NCOR2: variants seen among roughly 807,000 people sequenced by gnomAD.
NCOR2 encodes the protein CTG repeat protein 26.
A neutral mutation model predicts 262.9 loss-of-function variants in NCOR2; 81 were observed. The observed-to-expected ratio is 0.31, with a 90% CI of 0.26 to 0.37. NCOR2 has a LOEUF of 0.37. NCOR2 is among the 10% of genes least tolerant of loss of function. The probability of loss-of-function intolerance (pLI) is 1.00; values close to 1 mark genes in which losing one functional copy is unlikely to be tolerated. For synonymous variants in NCOR2, 1,659 were observed against 1,559.3 expected, an observed-to-expected ratio of 1.06 and a Z score of -1.51; for missense variants, 3,385 against 3,621.4, an observed-to-expected ratio of 0.93 and a Z score of 1.68.
intron 17 of NCOR2, among the ~76,000 whole-genome samples, chr12:124,383,110 T>A (rs1166237916): frequency 6.6e-6 from 1 of 152,086 alleles, no homozygotes; most frequent in Non-Finnish European, 1.5e-5. Flanking sequence ...ACTAGCAGAG[T>A]GTCTGGGGCA....
chr12:124,391,043 G>C (rs1162596819), intron 16 of NCOR2, among the ~76,000 whole-genome samples: 1 of 152,226 alleles, frequency 6.6e-6, no homozygotes. Context: ...GGCCCATGAC[G>C]AGCTGTTCTT....
intron 29 of NCOR2, 37 bp downstream of exon 31, chr12:124,348,137 G>T (rs184015878): frequency 6.2e-7 from 1 of 1,604,870 alleles, no homozygotes; most frequent in Non-Finnish European, 8.5e-7. Context: ...CGCCCACCAG[G>T]GGGCACCGAG....
intron 9 of NCOR2, among the ~76,000 whole-genome samples, 184 bp downstream of exon 11, chr12:124,430,431 C>T (rs889411471): frequency 2.0e-5 from 3 of 152,332 alleles, no homozygotes; most frequent in African/African-American, 7.2e-5. Flanking sequence ...TATTTAAGTT[C>T]CAAGTAAGTA....
At position 124,504,731 on chromosome 12, in the gene NCOR2, A is replaced by G. The variant is rs955870448; in HGVS notation, c.-117-9363T>C. On this transcript the variant is annotated intron_variant, in intron 1 of 46. Transcript: ENST00000404621. The surrounding 1 kb of genome is among the most constrained non-coding windows in gnomAD (Gnocchi z 4.5). Reference sequence around the variant, plus strand: ...AAAGGTAAGCGCTGACTCAGCCACAACGCAGGTGAGCCCTGAAGACATGGC... The same window carrying G: ...AAAGGTAAGCGCTGACTCAGCCACAGCGCAGGTGAGCCCTGAAGACATGGC... Among the ~76,000 whole-genome samples, 1 of 152,248 alleles carries G rather than the reference A, an allele frequency of 6.6e-6. No individual in the cohort carries two copies. Among genetic ancestry groups the G allele is most frequent in the African/African-American group, 2.4e-5 (1 of 41,468 alleles).
intron 1 of NCOR2, among the ~76,000 whole-genome samples, chr12:124,511,180 G>A (rs1000422830): frequency 1.3e-5 from 2 of 152,090 alleles, no homozygotes; most frequent in African/African-American, 2.4e-5. Context: ...CCCAGATTTC[G>A]GGGTACCACC....
At chr12:124,379,365 GTC>G (rs566222082) in intron 17 of NCOR2, among the ~76,000 whole-genome samples, 129 of 152,316 alleles carry the variant, frequency 8.5e-4, no homozygotes, top group African/African-American at 2.6e-3. Flanking sequence ...TGGGGTGGGT[GTC>G]TCTTTGTCCC....
At chr12:124,479,951 G>A (rs1157792888) in intron 3 of NCOR2, among the ~76,000 whole-genome samples, 1 of 152,252 alleles carries the variant, frequency 6.6e-6, no homozygotes, top group Non-Finnish European at 1.5e-5. Flanking sequence ...AGAGATCAGG[G>A]AATGACACTG....
In NCOR2 at chr12:124,443,685, T is replaced by G. The variant is rs916468902; in HGVS notation, c.816-5689A>C. ...GCCCAGCTAATTTTCGTATTTTTAG[T>G]AGAGACGGGGTTTCACTATATTGGC... On this transcript the variant is annotated intron_variant, in intron 7 of 46. Transcript: ENST00000405201. This position sits in a 1 kb window ranked among gnomAD's most constrained non-coding sequence, Gnocchi z 4.4. Among the ~76,000 whole-genome samples, 1 of 152,044 alleles carries G rather than the reference T, an allele frequency of 6.6e-6. No homozygotes were observed. The highest frequency in any genetic ancestry group is 6.5e-5 in the Admixed American group (1 of 15,268).
chr12:124,561,175 G>C (rs1392006526), intron 1 of NCOR2, among the ~76,000 whole-genome samples: 2 of 152,182 alleles, frequency 1.3e-5, no homozygotes, highest in African/African-American at 4.8e-5. Context: ...ACTTCGCAGG[G>C]ACCTGGAGCT....
intron 3 of NCOR2, among the ~76,000 whole-genome samples, chr12:124,476,732 T>C (rs2047118269): frequency 6.6e-6 from 1 of 152,168 alleles, no homozygotes; most frequent in African/African-American, 2.4e-5. Flanking sequence ...TTAGCTTTTA[T>C]TCGCAGCAAA....
At chr12:124,337,025 G>A in exon 38 of NCOR2, 3 of 1,503,302 alleles carry the variant, frequency 2.0e-6, no homozygotes, top group South Asian at 1.4e-5. Flanking sequence ...GTCTGCTCGG[G>A]GCCGCTCTGG....
At chr12:124,559,396 G>A (rs1474732069) in intron 1 of NCOR2, among the ~76,000 whole-genome samples, 1 of 152,128 alleles carries the variant, frequency 6.6e-6, no homozygotes, top group Admixed American at 6.5e-5. Flanking sequence ...GGCCCCATCC[G>A]GTTCTCAAAT....
Position 124,377,733 on chromosome 12 carries a change from G to C in NCOR2, c.2167+504C>G, listed in dbSNP as rs577249536. Among the ~76,000 whole-genome samples, 24 of 152,060 alleles carry C rather than the reference G, an allele frequency of 1.6e-4. No homozygotes were observed. In the East Asian group the frequency reaches 4.5e-3, roughly 28 times the overall value. On this transcript the variant is annotated intron_variant, in intron 18 of 46. Coordinates refer to ENST00000405201, the Ensembl canonical transcript of NCOR2. ...GGGCACCTCTAATCCCAGCTACTCAGGAGGCTGAGGCAGGAGAATTGCTTG... is the reference window on the plus strand; with the variant it reads ...GGGCACCTCTAATCCCAGCTACTCACGAGGCTGAGGCAGGAGAATTGCTTG...
exon 26 of NCOR2, chr12:124,354,549 G>C (rs2037789883): frequency 6.3e-7 from 1 of 1,597,754 alleles, no homozygotes; most frequent in Non-Finnish European, 8.5e-7. Flanking sequence ...GCCCCGTGGG[G>C]ACAGCTGCTC....
At chr12:124,376,044 G>A (rs895552972) in intron 18 of NCOR2, among the ~76,000 whole-genome samples, 5 of 152,156 alleles carry the variant, frequency 3.3e-5, no homozygotes, top group Admixed American at 6.5e-5. Context: ...CGAGCCTACC[G>A]GCTATGTGCT....
intron 3 of NCOR2, among the ~76,000 whole-genome samples, chr12:124,480,058 G>A (rs1171605939): frequency 1.3e-5 from 2 of 152,204 alleles, no homozygotes; most frequent in African/African-American, 2.4e-5. Context: ...TGCCTCCTGC[G>A]TGCCAGCCTC....
Position 124,391,525 on chromosome 12 carries a change from G to A in NCOR2, c.1877-5638C>T, listed in dbSNP as rs1057452762. Among the ~76,000 whole-genome samples, 10 of 152,204 alleles carry A rather than the reference G, an allele frequency of 6.6e-5. No individual in the cohort carries two copies. The South Asian group carries it at 8.3e-4, about 13-fold the overall frequency. On this transcript the variant is annotated intron_variant, in intron 16 of 46. Coordinates refer to ENST00000405201, the Ensembl canonical transcript of NCOR2. Reference sequence around the variant, plus strand: ...GGCGGGGGGGGGGTTCCACAGGGACGGTGCCTCCGCATTGACACCCTTGAC... The same window carrying A: ...GGCGGGGGGGGGGTTCCACAGGGACAGTGCCTCCGCATTGACACCCTTGAC...
Position 124,342,080 on chromosome 12 carries a change from G to T in NCOR2, c.4937-6C>A. 1 of 1,602,494 alleles carries T rather than the reference G, an allele frequency of 6.2e-7. No homozygotes were observed. On this transcript the variant is annotated splice_region_variant and splice_polypyrimidine_tract_variant and intron_variant, in intron 33 of 46. Coordinates refer to ENST00000405201, the Ensembl canonical transcript of NCOR2. ...GGGCAGGTAGTAGGCAGCGGCTGCGGGGCAGAGGGGAGCTCATGTGAGGCC... is the reference window on the plus strand; with the variant it reads ...GGGCAGGTAGTAGGCAGCGGCTGCGTGGCAGAGGGGAGCTCATGTGAGGCC...
At chr12:124,372,368 C>G in exon 20 of NCOR2, 1 of 1,511,542 alleles carries the variant, frequency 6.6e-7, no homozygotes, top group Non-Finnish European at 8.8e-7. Flanking sequence ...TTGGGGACCA[C>G]AGGAGGAGGT....
Sources: gnomAD v4.1 joint callset for allele counts (sites outside exome capture counted in the v4.1 genomes callset) on GRCh38, gnomAD v4.1.1 for gene constraint, Gnocchi (gnomAD v3.1) non-coding constraint, MANE v1.5 for transcripts, NCBI Gene and HGNC (gene_info 2026-07-23, HGNC 2026-07-21) for gene names.